Variants in IMMP2L observed in about 807,000 individuals in gnomAD.
The protein encoded by IMMP2L is inner mitochondrial membrane peptidase subunit 2, also known as mitochondrial inner membrane protease subunit 2.
IMMP2L carries 18 observed loss-of-function variants against 19.3 expected under a neutral mutation model. That is an observed-to-expected ratio of 0.93 (90% CI 0.64 to 1.38). IMMP2L has a LOEUF of 1.38. IMMP2L is among the 40% of genes most tolerant of loss of function. IMMP2L has a pLI of 0.00. For missense variants in IMMP2L, 233 were observed against 218.2 expected (o/e 1.07, Z -0.43); for synonymous variants, 76 against 73.0 (o/e 1.04, Z -0.21).
At chr7:110,901,422 T>C (rs980949537) in intron 4 of IMMP2L, among the ~76,000 whole-genome samples, 1 of 152,168 alleles carries the variant, frequency 6.6e-6, no homozygotes, top group Non-Finnish European at 1.5e-5. Flanking sequence ...AACAGTTTCA[T>C]ATACTATCTT....
chr7:111,055,544 A>T (rs1793428705), intron 3 of IMMP2L, among the ~76,000 whole-genome samples: 1 of 152,216 alleles, frequency 6.6e-6, no homozygotes, highest in East Asian at 1.9e-4. Context: ...CTTCCGCACT[A>T]TCTAACTTTC....
intron 3 of IMMP2L, among the ~76,000 whole-genome samples, chr7:111,019,753 C>T (rs1003770166): frequency 2.0e-5 from 3 of 152,118 alleles, no homozygotes; most frequent in African/African-American, 7.2e-5. Context: ...GGACCCACTA[C>T]CAGGGGTTCT....
At chr7:110,784,786 C>A (rs953562955) in intron 5 of IMMP2L, among the ~76,000 whole-genome samples, 5 of 151,788 alleles carry the variant, frequency 3.3e-5, no homozygotes, top group African/African-American at 4.8e-5. Context: ...TGGAGTGGGG[C>A]TGGAGAGCAG....
Position 110,924,081 on chromosome 7 carries a change from T to C in IMMP2L, c.306-37386A>G, listed in dbSNP as rs535909226. Among the ~76,000 whole-genome samples the C allele has an allele frequency of 6.6e-6, 1 of 152,168 alleles. No homozygotes were observed. Among genetic ancestry groups the C allele is most frequent in the African/African-American group, 2.4e-5 (1 of 41,438 alleles). ...TATGACAAAGGAATGATTCCCATGA[T>C]TATTGAAAAGTCTGACTTCTACCTA... On this transcript the variant is annotated intron_variant, in intron 4 of 5. Transcript: ENST00000405709. The surrounding 1 kb of genome is among the most constrained non-coding windows in gnomAD (Gnocchi z 4.2).
At chr7:111,529,934 G>C (rs1017064212) in intron 1 of IMMP2L, among the ~76,000 whole-genome samples, 1 of 152,120 alleles carries the variant, frequency 6.6e-6, no homozygotes, top group South Asian at 2.1e-4. Flanking sequence ...ATTCATAAAG[G>C]CTTCCTGATT....
chr7:111,028,409 T>TCC (rs1563173668), intron 3 of IMMP2L, among the ~76,000 whole-genome samples: 1 of 152,114 alleles, frequency 6.6e-6, no homozygotes, highest in Non-Finnish European at 1.5e-5. Flanking sequence ...GTCTACATAT[T>TCC]ATACAAATTA....
chr7:110,729,176 C>T (rs1471909642), intron 5 of IMMP2L, among the ~76,000 whole-genome samples: 1 of 152,098 alleles, frequency 6.6e-6, no homozygotes. Context: ...AGCCACTGTG[C>T]CCAGCCGTAT....
intron 3 of IMMP2L, among the ~76,000 whole-genome samples, chr7:111,344,493 C>G (rs1230373314): frequency 7.2e-5 from 11 of 152,188 alleles, no homozygotes; most frequent in Admixed American, 7.2e-4. Context: ...ATCTTTCCTT[C>G]TTTGTTCTTC....
Position 111,215,567 on chromosome 7 carries a change from CTCCT to C in IMMP2L, c.240-252006_240-252003del, listed in dbSNP as rs1320933221. Reference sequence around the variant, plus strand: ...TAATTTCAAAAAAGATATACATTCTCTCCTTCCTGAATTTTGTCTTATTTCTTTC... The same window carrying C: ...TAATTTCAAAAAAGATATACATTCTCTCCTGAATTTTGTCTTATTTCTTTC... On this transcript the variant is annotated intron_variant, in intron 3 of 5. Transcript: ENST00000405709. Among the ~76,000 whole-genome samples the C allele has an allele frequency of 5.9e-5, 9 of 152,140 alleles. No individual in the cohort carries two copies. In the East Asian group the frequency reaches 1.7e-3, roughly 29 times the overall value.
At chr7:110,822,511 T>C (rs1395408528) in intron 5 of IMMP2L, among the ~76,000 whole-genome samples, 1 of 152,128 alleles carries the variant, frequency 6.6e-6, no homozygotes, top group Non-Finnish European at 1.5e-5. Context: ...TCCTAAACAC[T>C]TGTCCACTAA....
At chr7:111,119,104 T>C (rs1014106280) in intron 3 of IMMP2L, among the ~76,000 whole-genome samples, 10 of 152,160 alleles carry the variant, frequency 6.6e-5, no homozygotes, top group African/African-American at 2.2e-4. Context: ...AAGAAGGATA[T>C]AGGTACCTCT....
chr7:111,546,621 C>A (rs576002295), intron 1 of IMMP2L, among the ~76,000 whole-genome samples: 15 of 152,186 alleles, frequency 9.9e-5, no homozygotes, highest in Admixed American at 8.5e-4. Context: ...AACAAAAGTA[C>A]TTCCACTATG....
chr7:111,337,581 A>C (rs1826569208), intron 3 of IMMP2L, among the ~76,000 whole-genome samples: 1 of 152,104 alleles, frequency 6.6e-6, no homozygotes, highest in African/African-American at 2.4e-5. Flanking sequence ...ACCATTCAGC[A>C]AGATGAGCCA....
At chr7:110,886,505 C>T in intron 5 of IMMP2L, 88 bp downstream of exon 5, 2 of 749,846 alleles carry the variant, frequency 2.7e-6, no homozygotes, top group Non-Finnish European at 2.4e-6. Context: ...TCAGTCTTGG[C>T]TGAGTTACCT....
At chr7:110,799,062 T>C (rs1322228146) in intron 5 of IMMP2L, among the ~76,000 whole-genome samples, 3 of 152,014 alleles carry the variant, frequency 2.0e-5, no homozygotes, top group African/African-American at 7.2e-5. Context: ...TACCGAATTA[T>C]AAATAAATTT....
At chr7:111,234,629 A>C (rs1307468050) in intron 3 of IMMP2L, among the ~76,000 whole-genome samples, 1 of 151,904 alleles carries the variant, frequency 6.6e-6, no homozygotes, top group Non-Finnish European at 1.5e-5. Context: ...ATCTGCCCTC[A>C]GCCTCTTTTC....
intron 3 of IMMP2L, among the ~76,000 whole-genome samples, chr7:111,283,970 CAAAAAAAA>C (rs972346409): frequency 6.2e-5 from 3 of 48,618 alleles, no homozygotes; most frequent in Non-Finnish European, 1.3e-4. Flanking sequence ...GACTCCGTCT[CAAAAAAAA>C]AAAAAAAAAA....
intron 1 of IMMP2L, among the ~76,000 whole-genome samples, chr7:111,555,045 A>C (rs1563352497): frequency 6.6e-6 from 1 of 152,138 alleles, no homozygotes; most frequent in African/African-American, 2.4e-5. Flanking sequence ...CCAATAATGG[A>C]GCACTAGGCA....
At chr7:110,985,516 T>G (rs960914979) in intron 3 of IMMP2L, among the ~76,000 whole-genome samples, 1 of 152,202 alleles carries the variant, frequency 6.6e-6, no homozygotes, top group Non-Finnish European at 1.5e-5. Flanking sequence ...GTTTCACTAT[T>G]CAAGTTTTCT....
Sources: allele counts gnomAD v4.1 joint callset (sites outside exome capture counted in the v4.1 genomes callset), GRCh38; gene constraint gnomAD v4.1.1; non-coding constraint Gnocchi (gnomAD v3.1); transcripts MANE v1.5; gene names NCBI Gene and HGNC (gene_info 2026-07-23, HGNC 2026-07-21).